CADPS2: variants seen among roughly 807,000 people sequenced by gnomAD.
CADPS2 encodes the protein calcium-dependent secretion activator 2.
CADPS2 carries 93 observed loss-of-function variants against 172.5 expected under a neutral mutation model. That is an observed-to-expected ratio of 0.54 (90% CI 0.46 to 0.64). The LOEUF is 0.64. CADPS2 is among the 30% of genes least tolerant of loss of function. The pLI, the probability that CADPS2 is intolerant of heterozygous loss-of-function variation, is 0.00. For missense variants in CADPS2, 1,420 were observed against 1,565.9 expected, an observed-to-expected ratio of 0.91 and a Z score of 1.57; for synonymous variants, 546 against 555.2, an observed-to-expected ratio of 0.98 and a Z score of 0.23.
chr7:122,439,465 T>C (rs2051073086), intron 16 of CADPS2: 1 of 152,180 alleles, frequency 6.6e-6, no homozygotes, highest in South Asian at 2.1e-4. Flanking sequence ...TGAAAGAATA[T>C]GAAAACATCC....
chr7:122,327,274 T>C (rs1383647620), intron 28 of CADPS2, among the ~76,000 whole-genome samples: 1 of 152,130 alleles, frequency 6.6e-6, no homozygotes, highest in Non-Finnish European at 1.5e-5. Flanking sequence ...TGATTTCTAT[T>C]TTAATACAGG....
At chr7:122,320,800 G>A (rs754904419) in intron 29 of CADPS2, among the ~76,000 whole-genome samples, 35 of 151,838 alleles carry the variant, frequency 2.3e-4, no homozygotes, top group Non-Finnish European at 3.8e-4. Flanking sequence ...TCCTATTATC[G>A]GTAAAAGAAG....
intron 6 of CADPS2, among the ~76,000 whole-genome samples, chr7:122,608,662 T>C (rs187535502): frequency 1.3e-5 from 2 of 152,314 alleles, no homozygotes; most frequent in Admixed American, 1.3e-4. Context: ...TGTCTTTTTA[T>C]TACTTTCAGG....
chr7:122,872,317 A>ACAGAGAGGG (rs1819967623), intron 1 of CADPS2, among the ~76,000 whole-genome samples: 2 of 152,100 alleles, frequency 1.3e-5, no homozygotes, highest in African/African-American at 4.8e-5. Context: ...TAATTACTTG[A>ACAGAGAGGG]ACATTTTGGC....
intron 8 of CADPS2, among the ~76,000 whole-genome samples, chr7:122,514,306 A>T (rs531816688): frequency 3.5e-4 from 54 of 152,262 alleles, no homozygotes; most frequent in African/African-American, 1.2e-3. Context: ...GTTCAAACGA[A>T]ATTTATATAC....
chr7:122,532,874 G>A (rs1169330013), intron 8 of CADPS2, among the ~76,000 whole-genome samples: 1 of 151,960 alleles, frequency 6.6e-6, no homozygotes, highest in Non-Finnish European at 1.5e-5. Context: ...GCCCCCAAGT[G>A]GATAAAAACA....
intron 9 of CADPS2, among the ~76,000 whole-genome samples, chr7:122,496,723 G>A (rs1015048962): frequency 6.6e-6 from 1 of 151,924 alleles, no homozygotes; most frequent in African/African-American, 2.4e-5. Flanking sequence ...CTGAATCTTA[G>A]TATTTTTGAG....
At chr7:122,748,860 C>T (rs565090017) in intron 1 of CADPS2, among the ~76,000 whole-genome samples, 1 of 152,018 alleles carries the variant, frequency 6.6e-6, no homozygotes, top group Admixed American at 6.6e-5. Flanking sequence ...CTCAAAACGC[C>T]CTGTTAAACA....
chr7:122,441,803 G>A (rs547309911), intron 15 of CADPS2, among the ~76,000 whole-genome samples: 2 of 152,266 alleles, frequency 1.3e-5, no homozygotes, highest in East Asian at 1.9e-4. Flanking sequence ...GGTTTTAAAC[G>A]TTTTGATGAT....
chr7:122,571,485 G>A (rs2067247033), intron 7 of CADPS2, among the ~76,000 whole-genome samples: 1 of 152,106 alleles, frequency 6.6e-6, no homozygotes, highest in African/African-American at 2.4e-5. Context: ...GATAAGGAAA[G>A]AAATACTTTC....
At chr7:122,819,344 GCTCT>G (rs1379327115) in intron 1 of CADPS2, among the ~76,000 whole-genome samples, 2 of 152,144 alleles carry the variant, frequency 1.3e-5, no homozygotes, top group East Asian at 1.9e-4. Flanking sequence ...CTGGCCCAAG[GCTCT>G]CTGTCTGACT....
chr7:122,625,647 G>T lies in CADPS2; in HGVS notation c.867+3601C>A, dbSNP rs532705911. ...TCCGCCCTACAGATTTCAGACTTAA[G>T]ACTGTAACATCAACCCTCACCTGAA... On this transcript the variant is annotated intron_variant, in intron 4 of 29. Coordinates refer to ENST00000449022, the MANE Select transcript of CADPS2 (RefSeq NM_017954.11). 2.6e-5 allele frequency among the ~76,000 whole-genome samples: 4 copies of T among 152,056 alleles called. No homozygotes were observed. The South Asian group carries it at 6.2e-4, about 24-fold the overall frequency.
At chr7:122,581,397 A>G in intron 6 of CADPS2, 107 bp from the exon 7 acceptor site, 2 of 774,222 alleles carry the variant, frequency 2.6e-6, no homozygotes, top group Non-Finnish European at 4.3e-6. Flanking sequence ...TCTGTGCTCA[A>G]TGAGCTTTTT....
intron 9 of CADPS2, among the ~76,000 whole-genome samples, chr7:122,506,727 T>TAAAAA (rs5887092): frequency 4.9e-5 from 7 of 142,028 alleles, no homozygotes; most frequent in Non-Finnish European, 7.6e-5. Flanking sequence ...TAGAGTTATT[T>TAAAAA]AAAAAAAAAA....
intron 17 of CADPS2, among the ~76,000 whole-genome samples, 160 bp downstream of exon 17, chr7:122,438,181 G>A (rs2050890780): frequency 6.6e-6 from 1 of 152,050 alleles, no homozygotes; most frequent in Non-Finnish European, 1.5e-5. Flanking sequence ...GCAATGAATA[G>A]GAAAAAGCTC....
At chr7:122,362,678 G>GT (rs942063927) in intron 25 of CADPS2, among the ~76,000 whole-genome samples, 90 of 152,240 alleles carry the variant, frequency 5.9e-4, no homozygotes, top group African/African-American at 2.0e-3. Flanking sequence ...TGCTGACAAG[G>GT]TTTTTTCAAT....
chr7:122,379,253 C>T, intron 25 of CADPS2, 115 bp downstream of exon 25: 12 of 590,820 alleles, frequency 2.0e-5, no homozygotes, highest in East Asian at 6.5e-5. Context: ...TAATTTTTTC[C>T]TGCCCTAATC....
chr7:122,854,842 G>C (rs1019692744), intron 1 of CADPS2, among the ~76,000 whole-genome samples: 3 of 152,096 alleles, frequency 2.0e-5, no homozygotes, highest in African/African-American at 7.2e-5. Flanking sequence ...CAGCACTATA[G>C]GTATTAGATA....
chr7:122,469,355 T>C (rs548738787), intron 14 of CADPS2, among the ~76,000 whole-genome samples: 2 of 152,288 alleles, frequency 1.3e-5, no homozygotes, highest in African/African-American at 4.8e-5. Flanking sequence ...ACTGAAACCT[T>C]CTCATCCTCT....
Sources: allele counts gnomAD v4.1 joint callset (sites outside exome capture counted in the v4.1 genomes callset), GRCh38; gene constraint gnomAD v4.1.1; transcripts MANE v1.5; gene names NCBI Gene and HGNC (gene_info 2026-07-23, HGNC 2026-07-21).